The following ZPBP variants were observed in gnomAD, a reference collection of about 807,000 sequenced individuals.
ZPBP encodes zona pellucida-binding protein 1.
Under a neutral mutation model 44.8 loss-of-function variants are expected in ZPBP, and 26 were observed. That is an observed-to-expected ratio of 0.58 (90% CI 0.43 to 0.81). ZPBP has a LOEUF of 0.81. ZPBP is among the 30% of genes least tolerant of loss of function. ZPBP has a pLI of 0.00. For synonymous variants in ZPBP, 174 were observed against 153.2 expected (o/e 1.14, Z -1.00); for missense variants, 409 against 434.0 (o/e 0.94, Z 0.51).
At chr7:49,950,653 C>T (rs1054185425) in intron 7 of ZPBP, among the ~76,000 whole-genome samples, 1 of 151,362 alleles carries the variant, frequency 6.6e-6, no homozygotes, top group Non-Finnish European at 1.5e-5. Context: ...ATGGTATATA[C>T]CCCTACTTCA....
At chr7:49,974,785 T>C (rs183533062) in intron 7 of ZPBP, among the ~76,000 whole-genome samples, 43 of 516 alleles carry the variant, frequency 0.083, no homozygotes, top group East Asian at 0.43. Context: ...CACGTTTCTG[T>C]AGTCTCAAAC....
At chr7:49,990,465 G>A (rs1424753048) in intron 6 of ZPBP, among the ~76,000 whole-genome samples, 1 of 152,172 alleles carries the variant, frequency 6.6e-6, no homozygotes, top group East Asian at 1.9e-4. Flanking sequence ...ACTAGGAAGA[G>A]AAGGGAAACT....
chr7:49,969,814 T>TAGAG (rs1360120043), intron 7 of ZPBP, among the ~76,000 whole-genome samples: 1 of 117,266 alleles, frequency 8.5e-6, no homozygotes, highest in Admixed American at 8.4e-5. Context: ...TATATATATA[T>TAGAG]ATATAGAGAG....
intron 2 of ZPBP, among the ~76,000 whole-genome samples, chr7:49,863,131 T>A (rs1481739611): frequency 6.6e-6 from 1 of 152,250 alleles, no homozygotes; most frequent in Non-Finnish European, 1.5e-5. Flanking sequence ...GATTACTGAT[T>A]CAATATCTTC....
chr7:50,066,000 G>C (rs1026943312), intron 3 of ZPBP, among the ~76,000 whole-genome samples: 8 of 151,224 alleles, frequency 5.3e-5, no homozygotes, highest in Middle Eastern at 3.4e-3. Flanking sequence ...ACTTAGTAGA[G>C]CAGTCTTTCC....
chr7:49,997,241 G>A (rs965737650), intron 6 of ZPBP, among the ~76,000 whole-genome samples: 7 of 152,074 alleles, frequency 4.6e-5, no homozygotes, highest in African/African-American at 1.7e-4. Context: ...CACTTACAGT[G>A]AGCCAGCCAT....
rs144975423 is a variant in ZPBP at position 49,862,254 on chromosome 7, T to G, written n.510-11740A>C. Among the ~76,000 whole-genome samples the G allele has an allele frequency of 3.8e-3, 584 of 152,318 alleles. 48 individuals carry two copies. The South Asian group carries it at 0.12, about 30-fold the overall frequency. ...TGCTATTGAAATAGAATTGCTCTCT[T>G]AAATTTCTTTTCAAATTATTCATTG... On this transcript the variant is annotated intron_variant and non_coding_transcript_variant, in intron 2 of 2. Transcript: ENST00000465922.
chr7:49,875,006 T>A lies in ZPBP; in HGVS notation n.510-24492A>T, dbSNP rs759027473. Among the ~76,000 whole-genome samples, 284 of 151,996 alleles carry A rather than the reference T, an allele frequency of 1.9e-3. 3 individuals are homozygous for A. The highest frequency in any genetic ancestry group is 4.1e-3 in the Admixed American group (62 of 15,262). The stretch of plus-strand genomic sequence containing the variant: ...CATCGTTTCCAATGGATAAAAGAAA[T>A]TTTGCAGAAAGAACTGGAAACAGTT... On this transcript the variant is annotated intron_variant and non_coding_transcript_variant, in intron 2 of 2. Transcript: ENST00000465922.
intron 3 of ZPBP, among the ~76,000 whole-genome samples, chr7:50,060,662 C>T (rs1801195819): frequency 6.6e-6 from 1 of 152,028 alleles, no homozygotes; most frequent in Non-Finnish European, 1.5e-5. Flanking sequence ...ACACTGAAAC[C>T]ATAATCAAAA....
At chr7:49,936,808 A>C (rs1794632523), downstream of ZPBP, among the ~76,000 whole-genome samples, 2 of 152,232 alleles carry the variant, frequency 1.3e-5, no homozygotes, top group African/African-American at 2.4e-5. Context: ...AATAAAATAA[A>C]GGTTGTGATG....
intron 1 of ZPBP, among the ~76,000 whole-genome samples, chr7:49,929,862 G>A (rs879474300): frequency 6.6e-5 from 10 of 152,138 alleles, no homozygotes; most frequent in Non-Finnish European, 1.3e-4. Flanking sequence ...GTGTATCAAC[G>A]CACACAAGTT....
At chr7:50,065,057 T>G (rs1801431624) in intron 3 of ZPBP, among the ~76,000 whole-genome samples, 2 of 152,256 alleles carry the variant, frequency 1.3e-5, no homozygotes, top group Admixed American at 6.5e-5. Flanking sequence ...TGCCATGGCT[T>G]CAGCCGGTCC....
At chr7:49,959,673 A>C (rs1795767755) in intron 7 of ZPBP, among the ~76,000 whole-genome samples, 1 of 152,198 alleles carries the variant, frequency 6.6e-6, no homozygotes, top group African/African-American at 2.4e-5. Context: ...TTGAGATAAC[A>C]ATTAATTTTG....
At chr7:49,946,773 T>C (rs922834391) in intron 7 of ZPBP, among the ~76,000 whole-genome samples, 2 of 152,142 alleles carry the variant, frequency 1.3e-5, no homozygotes, top group African/African-American at 4.8e-5. Context: ...TACCATCCCT[T>C]TGAATAACCT....
At chr7:50,017,885 A>G (rs1033593579) in intron 6 of ZPBP, among the ~76,000 whole-genome samples, 1 of 152,128 alleles carries the variant, frequency 6.6e-6, no homozygotes, top group African/African-American at 2.4e-5. Context: ...ATATGAAAAT[A>G]GATTAAAAGA....
chr7:50,033,079 T>A (rs1448770550), intron 4 of ZPBP, among the ~76,000 whole-genome samples: 1 of 152,204 alleles, frequency 6.6e-6, no homozygotes, highest in Admixed American at 6.5e-5. Flanking sequence ...TGATTACTTT[T>A]TTTTTTCCAG....
At chr7:50,047,737 T>A (rs1219841342) in intron 4 of ZPBP, among the ~76,000 whole-genome samples, 3 of 150,364 alleles carry the variant, frequency 2.0e-5, no homozygotes, top group Non-Finnish European at 4.4e-5. Context: ...GGGTGCCTCA[T>A]GAGAAAATGA....
chr7:49,855,555 G>A (rs1298716800), intron 2 of ZPBP, among the ~76,000 whole-genome samples: 1 of 152,230 alleles, frequency 6.6e-6, no homozygotes, highest in Non-Finnish European at 1.5e-5. Context: ...CAGGGACAGA[G>A]AGGAGGAAGA....
chr7:50,021,947 G>C lies in ZPBP; in HGVS notation c.707-3631C>G, dbSNP rs1158027384. ...AGAGAGTCTTAAAAGCAGCAAGAAAGAAGTAATTTGTCACATACTAGGTGT... is the reference window on the plus strand; with the variant it reads ...AGAGAGTCTTAAAAGCAGCAAGAAACAAGTAATTTGTCACATACTAGGTGT... On this transcript the variant is annotated intron_variant, in intron 5 of 7. Transcript: ENST00000046087. 2.0e-5 allele frequency among the ~76,000 whole-genome samples: 3 copies of C among 152,092 alleles called. No individual in the cohort carries two copies. In the East Asian group the frequency reaches 5.8e-4, roughly 29 times the overall value.
Sources: allele counts gnomAD v4.1 joint callset (sites outside exome capture counted in the v4.1 genomes callset), GRCh38; gene constraint gnomAD v4.1.1; transcripts MANE v1.5; gene names NCBI Gene and HGNC (gene_info 2026-07-23, HGNC 2026-07-21).